The following PLCL1 variants were observed in gnomAD, a reference collection of about 807,000 sequenced individuals.
The protein encoded by PLCL1 is phospholipase C like 1 (inactive).
In PLCL1, 41 loss-of-function variants were observed where a neutral mutation model predicts 84.4. That is an observed-to-expected ratio of 0.49 (90% CI 0.38 to 0.63). The LOEUF (loss-of-function observed/expected upper bound fraction) is 0.63. PLCL1 is among the 30% of genes least tolerant of loss of function. The pLI, the probability that PLCL1 is intolerant of heterozygous loss-of-function variation, is 0.00. For missense variants in PLCL1, 1,206 were observed against 1,367.8 expected, an observed-to-expected ratio of 0.88 and a Z score of 1.87; for synonymous variants, 490 against 488.3, an observed-to-expected ratio of 1.00 and a Z score of -0.05.
At chr2:198,055,570 G>T (rs879385512) in intron 1 of PLCL1, among the ~76,000 whole-genome samples, 5 of 147,562 alleles carry the variant, frequency 3.4e-5, no homozygotes, top group Non-Finnish European at 7.4e-5. Context: ...GGAGAAAACC[G>T]TTTATGTTAT....
chr2:197,877,061 G>C (rs1438808370), intron 1 of PLCL1, among the ~76,000 whole-genome samples: 1 of 152,046 alleles, frequency 6.6e-6, no homozygotes, highest in Non-Finnish European at 1.5e-5. Context: ...GTAAACAGAG[G>C]TCAGGCCTAA....
chr2:198,022,866 A>C (rs1287403726), intron 1 of PLCL1, among the ~76,000 whole-genome samples: 1 of 152,248 alleles, frequency 6.6e-6, no homozygotes, highest in Non-Finnish European at 1.5e-5. Flanking sequence ...TCAAGCTTCC[A>C]TTGAATGTCT....
intron 1 of PLCL1, among the ~76,000 whole-genome samples, chr2:197,829,526 T>C (rs989172601): frequency 1.3e-5 from 2 of 152,214 alleles, no homozygotes; most frequent in African/African-American, 4.8e-5. Context: ...ATTTAATAAA[T>C]TAATTTTCTT....
intron 1 of PLCL1, among the ~76,000 whole-genome samples, chr2:197,975,573 G>A (rs1007201537): frequency 1.1e-4 from 16 of 152,278 alleles, no homozygotes; most frequent in African/African-American, 3.4e-4. Context: ...GGAGGCCTAG[G>A]TGGGAAGATT....
chr2:198,129,316 A>C (rs1490611151), intron 5 of PLCL1, among the ~76,000 whole-genome samples: 2 of 152,150 alleles, frequency 1.3e-5, no homozygotes, highest in East Asian at 3.9e-4. Flanking sequence ...ATAAGACTTC[A>C]TCTACATAAT....
At position 198,084,222 on chromosome 2, in the gene PLCL1, C is replaced by A. The variant is rs758719699; in HGVS notation, c.705C>A (p.Asn235Lys). 1.1e-5 allele frequency: 17 copies of A among 1,613,870 alleles called. No homozygotes were observed. Among genetic ancestry groups the A allele is most frequent in the South Asian group, 1.1e-5 (1 of 91,074 alleles). Residue 235 changes from asparagine to lysine, a missense_variant, in exon 2 of 6, where the codon AAC (asparagine) becomes AAA (lysine). Transcript: ENST00000428675. ...AGCCTCTTGATTTTATGGAGGGCAA[C>A]CAGAACACACCACGGTTCATGTGGT... is the stretch of plus-strand genomic sequence containing the variant. Reference protein sequence around the residue: ...SKQPLDFMEGNQNTPRFMWLK... With the variant: ...SKQPLDFMEGKQNTPRFMWLK...
At chr2:197,847,282 G>T (rs1687137356) in intron 1 of PLCL1, among the ~76,000 whole-genome samples, 1 of 151,998 alleles carries the variant, frequency 6.6e-6, no homozygotes, top group Admixed American at 6.6e-5. Context: ...AGCAAGAAGT[G>T]AACACGGAAA....
intron 5 of PLCL1, among the ~76,000 whole-genome samples, chr2:198,137,443 C>T (rs1694280280): frequency 6.6e-6 from 1 of 152,032 alleles, no homozygotes; most frequent in Non-Finnish European, 1.5e-5. Context: ...GTCAATGAAA[C>T]AAAATAAATC....
At chr2:198,079,293 A>G (rs1692653093) in intron 1 of PLCL1, among the ~76,000 whole-genome samples, 1 of 151,536 alleles carries the variant, frequency 6.6e-6, no homozygotes, top group African/African-American at 2.4e-5. Flanking sequence ...ATTATTAAAA[A>G]TATTAAATAT....
chr2:198,135,341 T>C (rs1411858915), intron 5 of PLCL1, among the ~76,000 whole-genome samples: 4 of 152,196 alleles, frequency 2.6e-5, no homozygotes, highest in Non-Finnish European at 5.9e-5. Context: ...ATTAATTACC[T>C]TCATCACCTT....
intron 1 of PLCL1, among the ~76,000 whole-genome samples, chr2:197,865,759 T>C (rs1687517370): frequency 1.3e-5 from 2 of 151,724 alleles, no homozygotes; most frequent in Non-Finnish European, 2.9e-5. Context: ...ACACCTGTAA[T>C]CCCAGCACTT....
chr2:198,097,123 A>G (rs767587763), intron 3 of PLCL1, among the ~76,000 whole-genome samples: 1 of 152,186 alleles, frequency 6.6e-6, no homozygotes, highest in Non-Finnish European at 1.5e-5. Flanking sequence ...TTGTATAGTA[A>G]TAGAACCTAA....
At chr2:197,948,102 A>T (rs965505393) in intron 1 of PLCL1, among the ~76,000 whole-genome samples, 4 of 152,096 alleles carry the variant, frequency 2.6e-5, no homozygotes, top group African/African-American at 7.2e-5. Flanking sequence ...AGTGATGGGG[A>T]TGATGAGAAA....
At chr2:197,947,483 G>A (rs1689304785) in intron 1 of PLCL1, among the ~76,000 whole-genome samples, 1 of 151,974 alleles carries the variant, frequency 6.6e-6, no homozygotes, top group African/African-American at 2.4e-5. Context: ...GGTGATCCTG[G>A]AAAGCCTCTG....
At chr2:198,138,724 G>A (rs1694314437) in intron 5 of PLCL1, among the ~76,000 whole-genome samples, 1 of 152,056 alleles carries the variant, frequency 6.6e-6, no homozygotes, top group African/African-American at 2.4e-5. Context: ...GAACAAATTG[G>A]GCAGTCAGAT....
intron 1 of PLCL1, among the ~76,000 whole-genome samples, chr2:197,933,265 C>CTTTT (rs774904338): frequency 3.1e-5 from 4 of 127,258 alleles, no homozygotes; most frequent in Non-Finnish European, 3.4e-5. Context: ...TTTTTCTTTT[C>CTTTT]TTTTTTTTTT....
chr2:197,947,024 G>T (rs1403030993), intron 1 of PLCL1, among the ~76,000 whole-genome samples: 1 of 151,964 alleles, frequency 6.6e-6, no homozygotes, highest in African/African-American at 2.4e-5. Context: ...GTTTGCTTAT[G>T]GGTTCATTTA....
intron 5 of PLCL1, among the ~76,000 whole-genome samples, chr2:198,143,211 C>T (rs1233360464): frequency 1.3e-5 from 2 of 152,102 alleles, no homozygotes; most frequent in African/African-American, 2.4e-5. Flanking sequence ...GGATCAACCT[C>T]AGATCAACAG....
chr2:197,863,005 T>A (rs775309570), intron 1 of PLCL1, among the ~76,000 whole-genome samples: 1 of 152,048 alleles, frequency 6.6e-6, no homozygotes, highest in Non-Finnish European at 1.5e-5. Flanking sequence ...AACGTACATG[T>A]TCCTGGAACG....
Sources: gnomAD v4.1 joint callset for allele counts (sites outside exome capture counted in the v4.1 genomes callset) on GRCh38, gnomAD v4.1.1 for gene constraint, MANE v1.5 for transcripts, NCBI Gene and HGNC (gene_info 2026-07-23, HGNC 2026-07-21) for gene names.